Variants in DCUN1D4 observed in about 807,000 individuals in gnomAD.
The protein encoded by DCUN1D4 is DCN1-like protein 4.
DCUN1D4 carries 22 observed loss-of-function variants against 47.9 expected under a neutral mutation model. That is an observed-to-expected ratio of 0.46 (90% CI 0.33 to 0.66). The LOEUF is 0.66. DCUN1D4 is among the 30% of genes least tolerant of loss of function. The pLI, the probability that DCUN1D4 is intolerant of heterozygous loss-of-function variation, is 0.02. For missense variants in DCUN1D4, 301 were observed against 340.8 expected, an observed-to-expected ratio of 0.88 and a Z score of 0.92; for synonymous variants, 121 against 112.2, an observed-to-expected ratio of 1.08 and a Z score of -0.50.
intron 1 of DCUN1D4, chr4:51,848,306 C>A: frequency 1.6e-6 from 2 of 1,288,284 alleles, no homozygotes; most frequent in South Asian, 2.5e-5. Context: ...AATGTGCACA[C>A]GTCCGTTTCT....
chr4:51,878,168 T>C (rs1250123854), intron 5 of DCUN1D4, among the ~76,000 whole-genome samples: 1 of 152,222 alleles, frequency 6.6e-6, no homozygotes, highest in African/African-American at 2.4e-5. Context: ...AAAGCACCTG[T>C]GTTAAAATAA....
upstream of DCUN1D4, among the ~76,000 whole-genome samples, chr4:51,841,168 G>C (rs1721626017): frequency 1.3e-5 from 2 of 152,010 alleles, no homozygotes; most frequent in Non-Finnish European, 2.9e-5. Context: ...GTAATTTAGA[G>C]GTGTCACGAA....
chr4:51,908,692 A>G (rs1342976691), intron 8 of DCUN1D4, among the ~76,000 whole-genome samples: 1 of 151,888 alleles, frequency 6.6e-6, no homozygotes, highest in Non-Finnish European at 1.5e-5. Context: ...AGAGAATGTC[A>G]TTAGGATCAT....
At chr4:51,855,653 A>C (rs1446405819) in intron 1 of DCUN1D4, among the ~76,000 whole-genome samples, 4 of 152,230 alleles carry the variant, frequency 2.6e-5, no homozygotes, top group African/African-American at 9.6e-5. Context: ...GTAGGCAAGG[A>C]TAATGGAATG....
chr4:51,834,042 TTCTCTC>T, the DCUN1D4 span, among the ~76,000 whole-genome samples: 5,170 of 51,862 alleles, frequency 0.1, 402 homozygotes, highest in East Asian at 0.21. Context: ...TTAGGAGTCT[TTCTCTC>T]TCTCTCTCTC....
intron 1 of DCUN1D4, chr4:51,843,758 G>T (rs1261008283): frequency 1.5e-5 from 17 of 1,126,376 alleles, no homozygotes; most frequent in African/African-American, 3.6e-5. Context: ...TGCGAGGGGG[G>T]CGCGGGGGCG....
intron 7 of DCUN1D4, among the ~76,000 whole-genome samples, chr4:51,896,732 A>G (rs1456743288): frequency 6.6e-6 from 1 of 152,118 alleles, no homozygotes; most frequent in African/African-American, 2.4e-5. Flanking sequence ...TTCTGGCACT[A>G]GATCTCTAAC....
At chr4:51,895,699 A>G (rs1461378181) in intron 7 of DCUN1D4, among the ~76,000 whole-genome samples, 1 of 151,736 alleles carries the variant, frequency 6.6e-6, no homozygotes, top group Non-Finnish European at 1.5e-5. Context: ...CTCTGATTTT[A>G]TAAACTTCGA....
Position 51,899,376 on chromosome 4 carries a change from C to A in DCUN1D4, c.613C>A (p.Arg205=). 6.2e-7 allele frequency: 1 copy of A among 1,603,758 alleles called. No homozygotes were observed. Among genetic ancestry groups the A allele is most frequent in the Non-Finnish European group, 8.5e-7 (1 of 1,175,252 alleles). Residue 205 remains arginine (R), a splice_region_variant and synonymous_variant, in exon 8 of 11, where the codon CGG becomes AGG. Transcript: ENST00000334635. Reference sequence around the variant, plus strand: ...TTACAGATATGCGTTTGACTTTGCACGGGTGAGTTCTCTGGAGCCTATCCA... The same window carrying A: ...TTACAGATATGCGTTTGACTTTGCAAGGGTGAGTTCTCTGGAGCCTATCCA... ...LIYRYAFDFA[R]EKDQRSLDIN...
At chr4:51,898,406 C>G (rs1731594418) in intron 7 of DCUN1D4, among the ~76,000 whole-genome samples, 1 of 152,102 alleles carries the variant, frequency 6.6e-6, no homozygotes, top group South Asian at 2.1e-4. Flanking sequence ...GTAGGATGTT[C>G]ATTGCTTATT....
Position 51,899,349 on chromosome 4 carries a change from A to G in DCUN1D4, c.586A>G (p.Ile196Val). The stretch of plus-strand genomic sequence containing the variant: ...AAATGATTCTACAAACTTTAAACTT[A>G]TTTACAGATATGCGTTTGACTTTGC... ...FLNDSTNFKL[I>V]YRYAFDFARE... The change falls in exon 8 of 11, where the codon ATT (isoleucine) becomes GTT (valine). Residue 196 changes from isoleucine to valine, a missense_variant. By Grantham distance (29) the Ile-to-Val change is conservative. Transcript: ENST00000334635. 6.2e-7 allele frequency: 1 copy of G among 1,608,126 alleles called. No homozygotes were observed. Among genetic ancestry groups the G allele is most frequent in the Non-Finnish European group, 8.5e-7 (1 of 1,177,452 alleles).
chr4:51,834,084 CTCT>C, the DCUN1D4 span, among the ~76,000 whole-genome samples: 11 of 44,964 alleles, frequency 2.4e-4, no homozygotes, highest in African/African-American at 1.1e-3. Flanking sequence ...CTCTCTCTCT[CTCT>C]TTTCTTTTCT....
In DCUN1D4 at chr4:51,915,874, A is replaced by C. The variant is rs545011325; in HGVS notation, c.*2290A>C. ...AAGTATTCCAAAGGGATAATCTTGC[A>C]TATTAAGAAAACTCCAAATAATCTT... On this transcript the variant is annotated 3_prime_UTR_variant, in exon 11 of 11. Coordinates refer to ENST00000334635, the MANE Select transcript of DCUN1D4 (RefSeq NM_001040402.3). 8.5e-5 allele frequency: 13 copies of C among 152,692 alleles called. No individual in the cohort carries two copies. Among genetic ancestry groups the C allele is most frequent in the Admixed American group, 4.6e-4 (7 of 15,288 alleles). 9.5% of individuals were successfully genotyped at this position (152,692 alleles called of 1,614,324 possible).
At chr4:51,850,850 GA>G (rs2109821150) in intron 1 of DCUN1D4, among the ~76,000 whole-genome samples, 1 of 152,278 alleles carries the variant, frequency 6.6e-6, no homozygotes, top group South Asian at 2.1e-4. Flanking sequence ...TGATGGAGCT[GA>G]GGGGCCATTC....
intron 7 of DCUN1D4, among the ~76,000 whole-genome samples, chr4:51,897,020 T>G (rs1731375294): frequency 6.6e-6 from 1 of 152,174 alleles, no homozygotes; most frequent in Non-Finnish European, 1.5e-5. Flanking sequence ...CTTACCATAC[T>G]CCCATCTGCT....
upstream of DCUN1D4, among the ~76,000 whole-genome samples, chr4:51,838,846 G>A (rs190484167): frequency 1.2e-4 from 18 of 152,246 alleles, no homozygotes; most frequent in African/African-American, 2.2e-4. Context: ...GAACTGAGGC[G>A]GGCAGATCAC....
At chr4:51,906,295 T>A (rs543740171) in intron 8 of DCUN1D4, among the ~76,000 whole-genome samples, 1 of 152,166 alleles carries the variant, frequency 6.6e-6, no homozygotes, top group Non-Finnish European at 1.5e-5. Flanking sequence ...GCTGGTACAC[T>A]GTCCTCTTCT....
At chr4:51,872,975 A>AT (rs1170144780) in intron 3 of DCUN1D4, among the ~76,000 whole-genome samples, 1 of 152,152 alleles carries the variant, frequency 6.6e-6, no homozygotes, top group Non-Finnish European at 1.5e-5. Context: ...GTGAATGGGT[A>AT]TTTTTTTCCT....
At chr4:51,844,917 T>A in intron 1 of DCUN1D4, 2 of 985,500 alleles carry the variant, frequency 2.0e-6, no homozygotes, top group Non-Finnish European at 2.4e-6. Flanking sequence ...GGCCAGCTCC[T>A]GCGCGCTCTC....
Sources: gnomAD v4.1 joint callset for allele counts (sites outside exome capture counted in the v4.1 genomes callset) on GRCh38, gnomAD v4.1.1 for gene constraint, MANE v1.5 for transcripts, NCBI Gene and HGNC (gene_info 2026-07-23, HGNC 2026-07-21) for gene names.